HEATR5A: variants seen among roughly 807,000 people sequenced by gnomAD.
HEATR5A encodes the protein HEAT repeat containing 5A, also known as HEAT repeat-containing protein 5A.
A neutral mutation model predicts 218.8 loss-of-function variants in HEATR5A; 178 were observed. That is an observed-to-expected ratio of 0.81 (90% CI 0.72 to 0.92). The LOEUF is 0.92. Ranked by LOEUF, HEATR5A falls within the 40% of genes least tolerant of loss-of-function variation. HEATR5A has a pLI of 0.00. For synonymous variants in HEATR5A, 864 were observed against 871.6 expected (o/e 0.99, Z 0.15); for missense variants, 2,420 against 2,418.9 (o/e 1.00, Z -0.01).
At chr14:31,359,729 C>CAAAAAAAAA (rs376157768) in intron 14 of HEATR5A, among the ~76,000 whole-genome samples, 28 of 32,200 alleles carry the variant, frequency 8.7e-4, no homozygotes, top group African/African-American at 1.7e-3. Flanking sequence ...CATCTCAAGA[C>CAAAAAAAAA]AAAAAAAAAA....
In HEATR5A at chr14:31,313,166, G is replaced by A; in HGVS notation, c.4243C>T (p.His1415Tyr). The A allele has an allele frequency of 6.2e-7, 1 of 1,613,342 alleles. No individual in the cohort carries two copies. Among genetic ancestry groups the A allele is most frequent in the Non-Finnish European group, 8.5e-7 (1 of 1,179,302 alleles). ...TTCAAAGGTTGTCTGTGGTTTTTATGTCTTTGCACAGCAATTATGTAGACC... is the reference window on the plus strand; with the variant it reads ...TTCAAAGGTTGTCTGTGGTTTTTATATCTTTGCACAGCAATTATGTAGACC... ...AEVYIIAVQR[H>Y]KNHRQPLKTT... is the part of the protein sequence containing the mutation. The change falls in exon 28 of 36, where the codon CAT (histidine) becomes TAT (tyrosine). Residue 1415 changes from histidine (H) to tyrosine (Y), a missense_variant. His to Tyr is a moderately conservative substitution (Grantham distance 83). Transcript: ENST00000543095.
intron 10 of HEATR5A, 38 bp downstream of exon 10, chr14:31,383,483 A>G: frequency 6.4e-7 from 1 of 1,557,368 alleles, no homozygotes; most frequent in Non-Finnish European, 8.7e-7. Context: ...TCTAACAAAA[A>G]GCACCTCATT....
intron 22 of HEATR5A, among the ~76,000 whole-genome samples, chr14:31,327,593 G>T (rs780935019): frequency 6.6e-6 from 1 of 152,042 alleles, no homozygotes; most frequent in East Asian, 1.9e-4. Flanking sequence ...GCCTGGCCCA[G>T]TATAATTATT....
At chr14:31,365,121 C>G (rs1321292107) in intron 13 of HEATR5A, among the ~76,000 whole-genome samples, 1 of 152,100 alleles carries the variant, frequency 6.6e-6, no homozygotes, top group African/African-American at 2.4e-5. Context: ...GATCCACCCA[C>G]CTCAGCCTCC....
At chr14:31,407,584 TTATATA>T (rs1039144242) in intron 1 of HEATR5A, among the ~76,000 whole-genome samples, 35 of 1,292 alleles carry the variant, frequency 0.027, no homozygotes, top group African/African-American at 0.035. Flanking sequence ...CTTATTTTAT[TTATATA>T]TATATATATA....
intron 22 of HEATR5A, among the ~76,000 whole-genome samples, chr14:31,336,207 TACATAC>T (rs1900649054): frequency 1.7e-4 from 2 of 12,088 alleles, no homozygotes; most frequent in Non-Finnish European, 4.5e-4. Flanking sequence ...TTTTTATATA[TACATAC>T]ATACATATAT....
At chr14:31,349,687 A>T in intron 18 of HEATR5A, 102 bp downstream of exon 18, 1 of 735,320 alleles carries the variant, frequency 1.4e-6, no homozygotes, top group Non-Finnish European at 2.2e-6. Flanking sequence ...TTCTTTTCTT[A>T]GTTAAATCTC....
chr14:31,298,766 C>T (rs1899271783), intron 33 of HEATR5A, among the ~76,000 whole-genome samples: 1 of 152,162 alleles, frequency 6.6e-6, no homozygotes, highest in African/African-American at 2.4e-5. Flanking sequence ...CCATGTCCAC[C>T]TCCTTTTTTT....
chr14:31,414,060 T>G (rs2031370380), intron 1 of HEATR5A, among the ~76,000 whole-genome samples: 1 of 152,238 alleles, frequency 6.6e-6, no homozygotes, highest in Non-Finnish European at 1.5e-5. Flanking sequence ...ACTAAAAGTA[T>G]TAGTTTAGTC....
In HEATR5A at chr14:31,295,632, T is replaced by C. The variant is rs182106750; in HGVS notation, c.5619+277A>G. The C allele has an allele frequency of 2.2e-4, 44 of 199,780 alleles. 1 individual carries two copies. The East Asian group carries it at 4.9e-3, about 22-fold the overall frequency. The allele number at this position is 199,780 out of a possible 1,614,324, so 12.4% of individuals were successfully genotyped here. ...CAAAGTATCTTATAAAAGTCCCTTA[T>C]AAAGTTCCAGTGCTACATCAATCTT... On this transcript the variant is annotated intron_variant, in intron 34 of 35. Transcript: ENST00000543095.
At chr14:31,348,722 C>T (rs935666050) in intron 18 of HEATR5A, among the ~76,000 whole-genome samples, 11 of 152,086 alleles carry the variant, frequency 7.2e-5, no homozygotes, top group Non-Finnish European at 1.0e-4. Context: ...TTATCAGTTC[C>T]TGTCTATAGA....
chr14:31,341,826 TACAAG>T (rs1363659990), intron 21 of HEATR5A, among the ~76,000 whole-genome samples: 1 of 151,196 alleles, frequency 6.6e-6, no homozygotes, highest in Non-Finnish European at 1.5e-5. Flanking sequence ...GGAAATCTTC[TACAAG>T]ACAAGAAGAA....
Position 31,293,096 on chromosome 14 carries a change from A to C in HEATR5A, c.*209T>G, listed in dbSNP as rs959266035. 6.5e-4 allele frequency: 294 copies of C among 455,006 alleles called. No individual in the cohort carries two copies. The highest frequency in any genetic ancestry group is 7.7e-5 in the Non-Finnish European group (20 of 260,844). The allele number at this position is 455,006 out of a possible 1,614,324, so 28.2% of individuals were successfully genotyped here. On this transcript the variant is annotated 3_prime_UTR_variant, in exon 36 of 36. Coordinates refer to ENST00000543095, the MANE Select transcript of HEATR5A (RefSeq NM_015473.4). ...GCAAGTTAGCTCCATTGTCTTTTTA[A>C]ATAGAAAAACAAAACAAAACAAAAC...
intron 21 of HEATR5A, among the ~76,000 whole-genome samples, chr14:31,339,583 G>T (rs1281920478): frequency 6.6e-6 from 1 of 151,512 alleles, no homozygotes; most frequent in East Asian, 1.9e-4. Flanking sequence ...GTTTTTTGTT[G>T]TTGTTGTTGT....
intron 22 of HEATR5A, among the ~76,000 whole-genome samples, chr14:31,328,805 AG>A (rs1900360569): frequency 6.6e-6 from 1 of 151,818 alleles, no homozygotes; most frequent in Non-Finnish European, 1.5e-5. Context: ...GCTTGAACCC[AG>A]GAGGCGGAGC....
At chr14:31,384,426 A>C (rs1226189412) in intron 9 of HEATR5A, among the ~76,000 whole-genome samples, 1 of 151,506 alleles carries the variant, frequency 6.6e-6, no homozygotes, top group East Asian at 1.9e-4. Context: ...CGTGGGTGAC[A>C]GACTGAGACC....
At chr14:31,350,025 C>A (rs1377678258) in intron 17 of HEATR5A, 46 bp from the exon 18 acceptor site, 2 of 1,308,476 alleles carry the variant, frequency 1.5e-6, no homozygotes, top group Non-Finnish European at 2.1e-6. Context: ...GTAGTAAATT[C>A]TCATATCCAG....
At chr14:31,403,385 C>A (rs2139309244) in intron 1 of HEATR5A, among the ~76,000 whole-genome samples, 1 of 152,272 alleles carries the variant, frequency 6.6e-6, no homozygotes, top group East Asian at 1.9e-4. Flanking sequence ...AAGTAACTTA[C>A]TAAAATGGGT....
Position 31,312,980 on chromosome 14 carries a change from G to A in HEATR5A, c.4429C>T (p.Leu1477Phe). Residue 1477 changes from leucine to phenylalanine, a missense_variant, in exon 28 of 36, where the codon CTT becomes TTT. Transcript: ENST00000543095. ...TTTATCTCCTTACCTTCAGCAGGAAGTTGGGAGGCAAATTCTGAAGGCAAA... is the reference window on the plus strand; with the variant it reads ...TTTATCTCCTTACCTTCAGCAGGAAATTGGGAGGCAAATTCTGAAGGCAAA... ...LTLPSEFASQ[L>F]PAEGGAFYTA... 6.2e-7 allele frequency: 1 copy of A among 1,611,032 alleles called. No individual in the cohort carries two copies. The highest frequency in any genetic ancestry group is 8.5e-7 in the Non-Finnish European group (1 of 1,177,254).
Sources: gnomAD v4.1 joint callset for allele counts (sites outside exome capture counted in the v4.1 genomes callset) on GRCh38, gnomAD v4.1.1 for gene constraint, MANE v1.5 for transcripts, NCBI Gene and HGNC (gene_info 2026-07-23, HGNC 2026-07-21) for gene names.